Variants in ENO3 observed in about 807,000 individuals in gnomAD.
ENO3 encodes the protein beta-enolase.
In ENO3, 46 loss-of-function variants were observed where a neutral mutation model predicts 47.7. The observed-to-expected ratio is 0.96, with a 90% confidence interval of 0.76 to 1.23. The LOEUF (loss-of-function observed/expected upper bound fraction) is 1.23. Among genes scored for constraint, ENO3 ranks in the 50% most tolerant of loss-of-function variants. ENO3 has a pLI of 0.00. For missense variants in ENO3, 575 were observed against 566.2 expected (o/e 1.02, Z -0.16); for synonymous variants, 223 against 225.9 (o/e 0.99, Z 0.11).
chr17:4,956,223 C>T (rs1226079321), intron 9 of ENO3, 80 bp downstream of exon 9: 1 of 1,523,118 alleles, frequency 6.6e-7, no homozygotes, highest in Non-Finnish European at 9.0e-7. Flanking sequence ...GTCTTACCCA[C>T]CAACTCCAAG....
intron 4 of ENO3, 66 bp downstream of exon 4, chr17:4,953,175 C>A: frequency 6.2e-7 from 1 of 1,612,752 alleles, no homozygotes; most frequent in South Asian, 1.1e-5. Context: ...CCCAGACAGG[C>A]CTCTCCCGAA....
At chr17:4,951,728 A>G (rs990202964) in intron 1 of ENO3, 100 bp from the exon 2 acceptor site, 1 of 1,324,522 alleles carries the variant, frequency 7.5e-7, no homozygotes, top group Non-Finnish European at 1.1e-6. Flanking sequence ...TAGCTCCAGC[A>G]CCTGCCTTCT....
chr17:4,953,071 A>G lies in ENO3; in HGVS notation c.202A>G (p.Asn68Asp). ...TCTAGGAGTCCTGAAGGCTGTGGAG[A>G]ACATCAACAATACTCTGGGCCCTGC... ...LGKGVLKAVE[N>D]INNTLGPALL... The change falls in exon 4 of 12, where the codon AAC becomes GAC. Residue 68 changes from asparagine to aspartate, a missense_variant. Asn to Asp is a conservative substitution (Grantham distance 23). Transcript: ENST00000519602. 6.2e-7 allele frequency: 1 copy of G among 1,614,208 alleles called. No homozygotes were observed. The highest frequency in any genetic ancestry group is 8.5e-7 in the Non-Finnish European group (1 of 1,180,042).
intron 1 of ENO3, among the ~76,000 whole-genome samples, chr17:4,951,460 G>A (rs1399661381): frequency 1.3e-5 from 2 of 152,080 alleles, no homozygotes; most frequent in African/African-American, 2.4e-5. Flanking sequence ...AGGAGATTTC[G>A]GAGCAGGAAA....
rs1268173235 is a variant in ENO3 at position 4,956,143 on chromosome 17, C to T, written c.1067C>T (p.Ala356Val). The T allele has an allele frequency of 5.0e-6, 8 of 1,613,738 alleles. No individual in the cohort carries two copies. Among genetic ancestry groups the T allele is most frequent in the African/African-American group, 1.3e-5 (1 of 74,886 alleles). The change falls in exon 9 of 12, where the codon GCG (alanine) becomes GTG (valine). Residue 356 changes from alanine (A) to valine (V), a missense_variant and splice_region_variant. Physicochemically the swap from Ala to Val is moderately conservative, Grantham distance 64 (BLOSUM62 0). Transcript: ENST00000519602. ...QIGSVTESIQ[A>V]CKLAQSNGWG... ...GGCTCGGTGACCGAATCGATCCAGG[C>T]GTGAGTGCCTCCTGACCCTGAGGCT...
At chr17:4,953,896 C>G in intron 6 of ENO3, 51 bp downstream of exon 6, 1 of 1,613,434 alleles carries the variant, frequency 6.2e-7, no homozygotes, top group African/African-American at 1.3e-5. Flanking sequence ...AGAGCCAACC[C>G]CGCCCAGCCA....
upstream of ENO3, chr17:4,950,563 G>A: frequency 1.0e-6 from 1 of 985,526 alleles, no homozygotes; most frequent in Non-Finnish European, 1.2e-6. Flanking sequence ...ACTCATCCCG[G>A]CGCTGGCTGG....
intron 8 of ENO3, 145 bp downstream of exon 8, chr17:4,955,749 G>T: frequency 7.3e-7 from 1 of 1,363,208 alleles, no homozygotes; most frequent in Non-Finnish European, 1.0e-6. Context: ...CTTCTGCCCT[G>T]TCACCCCTCC....
At chr17:4,948,744 G>C (rs943011861), upstream of ENO3, 3 of 289,432 alleles carry the variant, frequency 1.0e-5, no homozygotes, top group East Asian at 8.3e-5. Context: ...AGAAGGATGG[G>C]GGGTGGCGGG....
In ENO3 at chr17:4,955,541, G is replaced by T. The variant is rs149301373; in HGVS notation, c.802G>T (p.Ala268Ser). 6.2e-7 allele frequency: 1 copy of T among 1,614,214 alleles called. No homozygotes were observed. The highest frequency in any genetic ancestry group is 2.2e-5 in the East Asian group (1 of 44,880). The stretch of plus-strand genomic sequence containing the variant: ...TGACTTCAAGTCGCCTGATGATCCC[G>T]CACGGCACATCACTGGGGAGAAGCT... The part of the protein sequence containing the change: ...DLDFKSPDDP[A>S]RHITGEKLGE... The change falls in exon 8 of 12, where the codon GCA becomes TCA. Residue 268 changes from alanine (A) to serine (S), a missense_variant. Coordinates refer to ENST00000519602, the MANE Select transcript of ENO3 (RefSeq NM_053013.4).
intron 7 of ENO3, 24 bp downstream of exon 7, chr17:4,955,321 G>A (rs1030291746): frequency 2.5e-6 from 4 of 1,614,112 alleles, no homozygotes; most frequent in Admixed American, 1.7e-5. Context: ...ACCCTGGGGG[G>A]CAGACCCCCT....
upstream of ENO3, among the ~76,000 whole-genome samples, chr17:4,949,832 T>A (rs1971488786): frequency 6.6e-6 from 1 of 152,036 alleles, no homozygotes; most frequent in African/African-American, 2.4e-5. Flanking sequence ...CTCGAGTCCG[T>A]GTTCCTCGAC....
Position 4,955,222 on chromosome 17 carries a change from G to A in ENO3, c.592G>A (p.Ala198Thr), listed in dbSNP as rs947192863. The change falls in exon 7 of 12, where the codon GCC becomes ACC. Residue 198 changes from alanine to threonine, a missense_variant. Transcript: ENST00000519602. ...CCACCACCTCAAGGGGGTCATCAAG[G>A]CCAAGTATGGGAAGGATGCCACCAA... ...VYHHLKGVIK[A>T]KYGKDATNVG... 3.1e-6 allele frequency: 5 copies of A among 1,614,162 alleles called. No individual in the cohort carries two copies. The African/African-American group carries it at 5.3e-5, about 17-fold the overall frequency.
Position 4,953,345 on chromosome 17 carries a change from A to G in ENO3, c.310+4A>G, listed in dbSNP as rs1156656507. ...CTAGATGGGACCGAGAATAAGTGTG[A>G]GTGAAGGGCTAGCGGTGGGGAAGGG... is the stretch of plus-strand genomic sequence containing the variant. On this transcript the variant is annotated splice_donor_region_variant and intron_variant, in intron 5 of 11. Coordinates refer to ENST00000519602, the MANE Select transcript of ENO3 (RefSeq NM_053013.4). 2 of 1,614,188 alleles carry G rather than the reference A, an allele frequency of 1.2e-6. No homozygotes were observed. Among genetic ancestry groups the G allele is most frequent in the Admixed American group, 1.7e-5 (1 of 60,028 alleles).
At position 4,955,504 on chromosome 17, in the gene ENO3, G is replaced by A. The variant is rs776265768; in HGVS notation, c.765G>A (p.Gly255=). The change falls in exon 8 of 12, where the codon GGG becomes GGA. Residue 255 remains glycine, a synonymous_variant. Coordinates refer to ENST00000519602, the MANE Select transcript of ENO3 (RefSeq NM_053013.4). ...CAGCATCTGAGTTCTATCGCAATGG[G>A]AAGTACGATCTTGACTTCAAGTCGC... is the stretch of plus-strand genomic sequence containing the variant. ...DVAASEFYRN[G]KYDLDFKSPD... 4 of 1,614,232 alleles carry A rather than the reference G, an allele frequency of 2.5e-6. No homozygotes were observed. The East Asian group carries it at 8.9e-5, about 36-fold the overall frequency.
intron 4 of ENO3, 66 bp downstream of exon 4, chr17:4,953,175 C>G (rs1049665944): frequency 2.7e-5 from 44 of 1,612,634 alleles, no homozygotes; most frequent in Non-Finnish European, 3.6e-5. Flanking sequence ...CCCAGACAGG[C>G]CTCTCCCGAA....
At chr17:4,953,616 C>T (rs1971620767) in intron 5 of ENO3, 96 bp from the exon 6 acceptor site, 1 of 1,604,118 alleles carries the variant, frequency 6.2e-7, no homozygotes, top group East Asian at 2.2e-5. Context: ...ACCAATTCTT[C>T]ATGCTCAGTG....
At chr17:4,952,507 T>C (rs1370099546) in intron 2 of ENO3, among the ~76,000 whole-genome samples, 1 of 152,096 alleles carries the variant, frequency 6.6e-6, no homozygotes. Flanking sequence ...GTATTTTTAG[T>C]AGAGATGGGG....
At chr17:4,952,699 T>A in intron 2 of ENO3, 96 bp from the exon 3 acceptor site, 1 of 1,224,710 alleles carries the variant, frequency 8.2e-7, no homozygotes, top group Non-Finnish European at 1.2e-6. Flanking sequence ...TGATCTCAAG[T>A]GATCCACCTG....
Sources: allele counts gnomAD v4.1 joint callset (sites outside exome capture counted in the v4.1 genomes callset), GRCh38; gene constraint gnomAD v4.1.1; transcripts MANE v1.5; gene names NCBI Gene and HGNC (gene_info 2026-07-23, HGNC 2026-07-21).